The following PGP variants were observed in gnomAD, a reference collection of about 807,000 sequenced individuals.
PGP encodes aspartate-based ubiquitous Mg(2+)-dependent phosphatase.
PGP carries 9 observed loss-of-function variants against 19.3 expected under a neutral mutation model. The observed-to-expected ratio is 0.47, with a 90% CI of 0.28 to 0.81. The LOEUF (loss-of-function observed/expected upper bound fraction) is 0.81. PGP is among the 40% of genes least tolerant of loss of function. The pLI is 0.11. For missense variants in PGP, 403 were observed against 479.9 expected (o/e 0.84, Z 1.50); for synonymous variants, 308 against 226.8 (o/e 1.36, Z -3.22).
Position 2,211,765 on chromosome 16 carries a change from G to A in PGP, c.*1963C>T, listed in dbSNP as rs2093375995. On this transcript the variant is annotated 3_prime_UTR_variant, in exon 2 of 2. Coordinates refer to ENST00000333503, the MANE Select transcript of PGP (RefSeq NM_001042371.3). ...TCCCTGCCCTGGGCGCTCTGACACG[G>A]CAGCCCACCAGCTTCACTCCAGGGC... is the stretch of plus-strand genomic sequence containing the variant. The A allele has an allele frequency of 1.0e-6, 1 of 985,556 alleles. No homozygotes were observed. Among genetic ancestry groups the A allele is most frequent in the Non-Finnish European group, 1.2e-6 (1 of 830,014 alleles). 61.1% of individuals were successfully genotyped at this position (985,556 alleles called of 1,614,324 possible).
At position 2,212,398 on chromosome 16, in the gene PGP, A is replaced by AGG. The variant is rs2093377740; in HGVS notation, c.*1329_*1330insCC. ...GAAAGGCGCTGGTAGGGAGCCAGCC[A>AGG]GAAGGTGCAGCATCCCGGGATGGCC... On this transcript the variant is annotated 3_prime_UTR_variant, in exon 2 of 2. Transcript: ENST00000333503. 2.0e-6 allele frequency: 2 copies of AGG among 985,828 alleles called. No homozygotes were observed. The highest frequency in any genetic ancestry group is 3.5e-5 in the African/African-American group (2 of 57,266). 61.1% of individuals were successfully genotyped at this position (985,828 alleles called of 1,614,324 possible). A position where few individuals can be genotyped will look rare whatever the true frequency, so the allele number is the denominator to read the frequency against.
Position 2,214,011 on chromosome 16 carries a change from C to CG in PGP, c.682dup (p.Arg228ProfsTer65). On this transcript the variant is annotated frameshift_variant, in exon 2 of 2. Coordinates refer to ENST00000333503, the MANE Select transcript of PGP (RefSeq NM_001042371.3). LOFTEE classifies it high-confidence loss of function. The surrounding 1 kb of genome is among the most constrained non-coding windows in gnomAD (Gnocchi z 7.1). ...GGGCTTCCCGATGATGTCGGCCTGG[C>CG]GCTGGGCGGCCATCTCCACGGCTCG... is the stretch of plus-strand genomic sequence containing the variant. The CG allele has an allele frequency of 6.2e-7, 1 of 1,603,332 alleles. No individual in the cohort carries two copies. The highest frequency in any genetic ancestry group is 8.5e-7 in the Non-Finnish European group (1 of 1,173,666).
Position 2,214,555 on chromosome 16 carries a change from C to A in PGP, c.223G>T (p.Ala75Ser). The stretch of plus-strand genomic sequence containing the variant: ...CGCCGCAGCTTCTCGGCGTAGGCAG[C>A]GCGGGTCTTGCTGCTGTTGTTGGTG... ...FITNNSSKTR[A>S]AYAEKLRRLG... The change falls in exon 1 of 2, where the codon GCT (alanine) becomes TCT (serine). Residue 75 changes from alanine (A) to serine (S), a missense_variant. Ala to Ser is a moderately conservative substitution (Grantham distance 99). Coordinates refer to ENST00000333503, the MANE Select transcript of PGP (RefSeq NM_001042371.3). The surrounding 1 kb of genome is among the most constrained non-coding windows in gnomAD (Gnocchi z 7.1). 2 of 1,463,528 alleles carry A rather than the reference C, an allele frequency of 1.4e-6. No individual in the cohort carries two copies. The highest frequency in any genetic ancestry group is 1.8e-6 in the Non-Finnish European group (2 of 1,110,814). 90.7% of individuals were successfully genotyped at this position (1,463,528 alleles called of 1,614,324 possible).
In PGP at chr16:2,214,312, A is replaced by T; in HGVS notation, c.466T>A (p.Trp156Arg). 6.5e-7 allele frequency: 1 copy of T among 1,546,194 alleles called. No individual in the cohort carries two copies. The highest frequency in any genetic ancestry group is 8.7e-7 in the Non-Finnish European group (1 of 1,153,502). Reference protein sequence around the residue: ...EPLQGEGPGDWLHAPLEPDVR... With the variant: ...EPLQGEGPGDRLHAPLEPDVR... ...TCGGGCTCCAGCGGCGCGTGCAGCC[A>T]GTCGCCGGGACCCTCGCCCTGCAGT... Residue 156 changes from tryptophan to arginine, a missense_variant, in exon 1 of 2, where the codon TGG becomes AGG. Transcript: ENST00000333503. This position sits in a 1 kb window ranked among gnomAD's most constrained non-coding sequence, Gnocchi z 7.1.
chr16:2,214,172 G>A lies in PGP; in HGVS notation c.606C>T (p.Asn202=). Residue 202 remains asparagine, a synonymous_variant, in exon 1 of 2, where the codon AAC becomes AAT. Transcript: ENST00000333503. The surrounding 1 kb of genome is among the most constrained non-coding windows in gnomAD (Gnocchi z 7.1). ...AGCGGCCGTTCTCAAGCGGAAGCCG[G>A]TTGTCCATGTTGGTGCCCACGAGCA... The part of the protein sequence containing the change: ...GCLLVGTNMD[N]RLPLENGRFI... 4 of 1,594,608 alleles carry A rather than the reference G, an allele frequency of 2.5e-6. No homozygotes were observed. The South Asian group carries it at 3.3e-5, about 13-fold the overall frequency.
rs57430152 is a variant in PGP, at chr16:2,213,154, G to C, written c.*574C>G. ...GGTTTTCAAGGAAGTAAGGGAGGTG[G>C]GAGAGTGGTGAGGGCAGCACTTTGC... On this transcript the variant is annotated 3_prime_UTR_variant, in exon 2 of 2. Coordinates refer to ENST00000333503, the MANE Select transcript of PGP (RefSeq NM_001042371.3). 6 of 985,360 alleles carry C rather than the reference G, an allele frequency of 6.1e-6. No individual in the cohort carries two copies. Among genetic ancestry groups the C allele is most frequent in the Non-Finnish European group, 7.2e-6 (6 of 829,960 alleles). The allele number at this position is 985,360 out of a possible 1,614,324, so 61.0% of individuals were successfully genotyped here.
rs1031697391 is a variant in PGP at position 2,211,974 on chromosome 16, G to C, written c.*1754C>G. On this transcript the variant is annotated 3_prime_UTR_variant, in exon 2 of 2. Transcript: ENST00000333503. ...CATCACCCGGGCCAATGCAAGGTGA[G>C]AGCAAGGACACCTGAGCCAGTGTGG... 3.9e-5 allele frequency: 38 copies of C among 985,460 alleles called. No individual in the cohort carries two copies. The highest frequency in any genetic ancestry group is 4.5e-5 in the Non-Finnish European group (37 of 830,000). The allele number at this position is 985,460 out of a possible 1,614,324, so 61.0% of individuals were successfully genotyped here. A position where few individuals can be genotyped will look rare whatever the true frequency, so the allele number is the denominator to read the frequency against.
At position 2,213,476 on chromosome 16, in the gene PGP, C is replaced by T. The variant is rs1315373059; in HGVS notation, c.*252G>A. 1.4e-6 allele frequency: 1 copy of T among 704,542 alleles called. No homozygotes were observed. The highest frequency in any genetic ancestry group is 4.4e-5 in the East Asian group (1 of 22,704). The allele number at this position is 704,542 out of a possible 1,614,324, so 43.6% of individuals were successfully genotyped here. On this transcript the variant is annotated 3_prime_UTR_variant, in exon 2 of 2. Transcript: ENST00000333503. ...AGGTGCAGAGCCTGCCCCTGCCAACCCCACCCAAGGCCCAGAACCCAGCCC... is the reference window on the plus strand; with the variant it reads ...AGGTGCAGAGCCTGCCCCTGCCAACTCCACCCAAGGCCCAGAACCCAGCCC...
In PGP at chr16:2,212,172, G is replaced by A. The variant is rs2093377046; in HGVS notation, c.*1556C>T. On this transcript the variant is annotated 3_prime_UTR_variant, in exon 2 of 2. Transcript: ENST00000333503. The stretch of plus-strand genomic sequence containing the variant: ...CCCTGTCAGGCCAGACCCGGCTTGA[G>A]CCAACTTAGCCAAGCCAGCGTCAGT... 1 of 985,626 alleles carries A rather than the reference G, an allele frequency of 1.0e-6. No individual in the cohort carries two copies. Among genetic ancestry groups the A allele is most frequent in the Non-Finnish European group, 1.2e-6 (1 of 829,984 alleles). 61.1% of individuals were successfully genotyped at this position (985,626 alleles called of 1,614,324 possible).
In PGP at chr16:2,213,898, T is replaced by C. The variant is rs1464912648; in HGVS notation, c.796A>G (p.Ile266Val). Residue 266 changes from isoleucine to valine, a missense_variant, in exon 2 of 2, where the codon ATC becomes GTC. By Grantham distance (29) the Ile-to-Val change is conservative. Transcript: ENST00000333503. Reference protein sequence around the residue: ...VMVGDRLDTDILLGATCGLKT... With the variant: ...VMVGDRLDTDVLLGATCGLKT... ...AGGCCACAGGTGGCGCCTAGGAGGATGTCTGTGTCCAGGCGGTCTCCCACC... is the reference window on the plus strand; with the variant it reads ...AGGCCACAGGTGGCGCCTAGGAGGACGTCTGTGTCCAGGCGGTCTCCCACC... 2 of 1,613,304 alleles carry C rather than the reference T, an allele frequency of 1.2e-6. No individual in the cohort carries two copies. Among genetic ancestry groups the C allele is most frequent in the East Asian group, 2.2e-5 (1 of 44,854 alleles).
rs1043220920 is a variant in PGP at position 2,212,268 on chromosome 16, C to CT, written c.*1459dup. 25 of 985,808 alleles carry CT rather than the reference C, an allele frequency of 2.5e-5. No individual in the cohort carries two copies. Among genetic ancestry groups the CT allele is most frequent in the Middle Eastern group, 5.2e-4 (1 of 1,936 alleles). 61.1% of individuals were successfully genotyped at this position (985,808 alleles called of 1,614,324 possible). A position where few individuals can be genotyped will look rare whatever the true frequency, so the allele number is the denominator to read the frequency against. ...ACCCTCTGAACCCGATATCCCAGGC[C>CT]TGGGAGGTGCTGAAGGCTCAGGACG... On this transcript the variant is annotated 3_prime_UTR_variant, in exon 2 of 2. Transcript: ENST00000333503.
chr16:2,214,151 G>C lies in PGP; in HGVS notation c.627C>G (p.Gly209=). 2.5e-6 allele frequency: 4 copies of C among 1,590,112 alleles called. No homozygotes were observed. The highest frequency in any genetic ancestry group is 3.4e-6 in the Non-Finnish European group (4 of 1,176,940). ...GGGCGCACGGACCCGCGATGAAGCG[G>C]CCGTTCTCAAGCGGAAGCCGGTTGT... ...NMDNRLPLEN[G]RFIAGTGCLV... is the part of the protein sequence containing the mutation. The change falls in exon 1 of 2, where the codon GGC becomes GGG. Residue 209 remains glycine, a synonymous_variant. Coordinates refer to ENST00000333503, the MANE Select transcript of PGP (RefSeq NM_001042371.3). This position sits in a 1 kb window ranked among gnomAD's most constrained non-coding sequence, Gnocchi z 7.1.
Position 2,214,806 on chromosome 16 carries a change from G to A in PGP, c.-29C>T, listed in dbSNP as rs1016605062. The A allele has an allele frequency of 1.2e-5, 10 of 846,506 alleles. No individual in the cohort carries two copies. The highest frequency in any genetic ancestry group is 5.6e-5 in the African/African-American group (3 of 53,944). 52.4% of individuals were successfully genotyped at this position (846,506 alleles called of 1,614,324 possible). ...CGCCCGCCGGCCGCCGCCGCCCGCC[G>A]GCCGCTCCTCGCAGCCGCCCGCCGC... On this transcript the variant is annotated 5_prime_UTR_variant, in exon 1 of 2. Coordinates refer to ENST00000333503, the MANE Select transcript of PGP (RefSeq NM_001042371.3). The surrounding 1 kb of genome is among the most constrained non-coding windows in gnomAD (Gnocchi z 7.1).
rs1567288548 is a variant in PGP at position 2,214,783 on chromosome 16, C to CCCGCCGGCCG, written c.-16_-7dup. On this transcript the variant is annotated 5_prime_UTR_variant, in exon 1 of 2. Coordinates refer to ENST00000333503, the MANE Select transcript of PGP (RefSeq NM_001042371.3). This position sits in a 1 kb window ranked among gnomAD's most constrained non-coding sequence, Gnocchi z 7.1. ...CCGGCCTCCGCCGCCGCCATCGCCG[C>CCCGCCGGCCG]CCGCCGGCCGCCGCCGCCCGCCGGC... is the stretch of plus-strand genomic sequence containing the variant. 1 of 970,606 alleles carries CCCGCCGGCCG rather than the reference C, an allele frequency of 1.0e-6. No individual in the cohort carries two copies. Among genetic ancestry groups the CCCGCCGGCCG allele is most frequent in the East Asian group, 9.8e-5 (1 of 10,224 alleles). The allele number at this position is 970,606 out of a possible 1,614,324, so 60.1% of individuals were successfully genotyped here.
At position 2,214,815 on chromosome 16, in the gene PGP, T is replaced by A; in HGVS notation, c.-38A>T. ...GCCGCCGCCGCCCGCCGGCCGCTCC[T>A]CGCAGCCGCCCGCCGCGGCGCCCTC... On this transcript the variant is annotated 5_prime_UTR_variant, in exon 1 of 2. Transcript: ENST00000333503. The surrounding 1 kb of genome is among the most constrained non-coding windows in gnomAD (Gnocchi z 7.1). The A allele has an allele frequency of 1.3e-6, 1 of 753,502 alleles. No individual in the cohort carries two copies. The highest frequency in any genetic ancestry group is 1.6e-6 in the Non-Finnish European group (1 of 620,380). The allele number at this position is 753,502 out of a possible 1,614,324, so 46.7% of individuals were successfully genotyped here. A position where few individuals can be genotyped will look rare whatever the true frequency, so the allele number is the denominator to read the frequency against.
At position 2,211,907 on chromosome 16, in the gene PGP, G is replaced by C; in HGVS notation, c.*1821C>G. 1 of 985,540 alleles carries C rather than the reference G, an allele frequency of 1.0e-6. No homozygotes were observed. Among genetic ancestry groups the C allele is most frequent in the Non-Finnish European group, 1.2e-6 (1 of 829,994 alleles). The allele number at this position is 985,540 out of a possible 1,614,324, so 61.0% of individuals were successfully genotyped here. ...TTCCAGCTCTGGAGTTGGAACCCCA[G>C]TTACCCATCTACTTTGAGTCCTCCC... On this transcript the variant is annotated 3_prime_UTR_variant, in exon 2 of 2. Transcript: ENST00000333503.
rs768228372 is a variant in PGP at position 2,211,973 on chromosome 16, A to G, written c.*1755T>C. On this transcript the variant is annotated 3_prime_UTR_variant, in exon 2 of 2. Transcript: ENST00000333503. Reference sequence around the variant, plus strand: ...GCATCACCCGGGCCAATGCAAGGTGAGAGCAAGGACACCTGAGCCAGTGTG... The same window carrying G: ...GCATCACCCGGGCCAATGCAAGGTGGGAGCAAGGACACCTGAGCCAGTGTG... The G allele has an allele frequency of 2.5e-4, 245 of 985,452 alleles. No homozygotes were observed. Among genetic ancestry groups the G allele is most frequent in the Non-Finnish European group, 2.8e-4 (232 of 829,992 alleles). 61.0% of individuals were successfully genotyped at this position (985,452 alleles called of 1,614,324 possible).
In PGP at chr16:2,213,613, A is replaced by C; in HGVS notation, c.*115T>G. ...ACAATGAATGCCTTTGCTTAACTCCAATTACACTCTTTGAAGCCACTTAGC... is the reference window on the plus strand; with the variant it reads ...ACAATGAATGCCTTTGCTTAACTCCCATTACACTCTTTGAAGCCACTTAGC... On this transcript the variant is annotated 3_prime_UTR_variant, in exon 2 of 2. Coordinates refer to ENST00000333503, the MANE Select transcript of PGP (RefSeq NM_001042371.3). 1 of 1,039,570 alleles carries C rather than the reference A, an allele frequency of 9.6e-7. No individual in the cohort carries two copies. The highest frequency in any genetic ancestry group is 1.3e-6 in the Non-Finnish European group (1 of 745,834). The allele number at this position is 1,039,570 out of a possible 1,614,324, so 64.4% of individuals were successfully genotyped here.
Position 2,211,819 on chromosome 16 carries a change from C to T in PGP, c.*1909G>A. 8.1e-6 allele frequency: 8 copies of T among 985,638 alleles called. No individual in the cohort carries two copies. Among genetic ancestry groups the T allele is most frequent in the Non-Finnish European group, 8.4e-6 (7 of 830,044 alleles). The allele number at this position is 985,638 out of a possible 1,614,324, so 61.1% of individuals were successfully genotyped here. A position where few individuals can be genotyped will look rare whatever the true frequency, so the allele number is the denominator to read the frequency against. ...TTGCTTCCCTGGCTTCCCTTTGTGC[C>T]TGGCTTTCCCTCATTCTTCAAAACA... On this transcript the variant is annotated 3_prime_UTR_variant, in exon 2 of 2. Coordinates refer to ENST00000333503, the MANE Select transcript of PGP (RefSeq NM_001042371.3).
Sources: allele counts gnomAD v4.1 joint callset, GRCh38; gene constraint gnomAD v4.1.1; non-coding constraint Gnocchi (gnomAD v3.1); transcripts MANE v1.5; gene names NCBI Gene and HGNC (gene_info 2026-07-23, HGNC 2026-07-21).